Variants in MID2 observed in about 807,000 individuals in gnomAD.
The protein encoded by MID2 is probable E3 ubiquitin-protein ligase MID2.
In MID2, 13 loss-of-function variants were observed where a neutral mutation model predicts 46.1. That is an observed-to-expected ratio of 0.28 (90% CI 0.18 to 0.45). MID2 has a LOEUF of 0.45. Ranked by LOEUF, MID2 falls within the 20% of genes least tolerant of loss-of-function variation. The pLI, the probability that MID2 is intolerant of heterozygous loss-of-function variation, is 1.00. For synonymous variants in MID2, 199 were observed against 212.3 expected (o/e 0.94, Z 0.55); for missense variants, 431 against 575.4 (o/e 0.75, Z 2.57).
At chrX:107,882,113 C>G (rs1489492002) in intron 3 of MID2, among the ~76,000 whole-genome samples, 1 of 111,891 alleles carries the variant, frequency 8.9e-6, no homozygotes, top group Non-Finnish European at 1.9e-5. Flanking sequence ...GGAAAGGATT[C>G]CCTATTTAAC....
At chrX:107,920,568 C>A (rs1189549066) in intron 7 of MID2, among the ~76,000 whole-genome samples, 1 of 111,954 alleles carries the variant, frequency 8.9e-6, no homozygotes, top group African/African-American at 3.2e-5. Context: ...CATGCAAATA[C>A]TCTCTACCAC....
At position 107,826,327 on chromosome X, in the gene MID2, C is replaced by T. The variant is rs1199073609; in HGVS notation, c.-100C>T. 12 of 1,011,723 alleles carry T rather than the reference C, an allele frequency of 1.2e-5. No individual in the cohort carries two copies. In the South Asian group the frequency reaches 2.1e-4, roughly 18 times the overall value. 83.4% of individuals were successfully genotyped at this position (1,011,723 alleles called of 1,213,427 possible). A position where few individuals can be genotyped will look rare whatever the true frequency, so the allele number is the denominator to read the frequency against. On this transcript the variant is annotated 5_prime_UTR_variant, in exon 1 of 10. Transcript: ENST00000262843. ...AGCGGCGGCGGCGGCGACCGGGGCC[C>T]GGGAGCTCGCGCCGGAGCCCGAGCC...
At chrX:107,866,141 C>A (rs1931950985) in intron 3 of MID2, among the ~76,000 whole-genome samples, 1 of 111,999 alleles carries the variant, frequency 8.9e-6, no homozygotes, top group South Asian at 3.7e-4. Flanking sequence ...AGCTTTGAAT[C>A]TTCTAGCACC....
chrX:107,877,973 C>T (rs1446822450), intron 3 of MID2, among the ~76,000 whole-genome samples: 18 of 106,815 alleles, frequency 1.7e-4, no homozygotes, highest in African/African-American at 4.5e-4. Context: ...ACCAGAGTGC[C>T]GAGGTAGGAA....
intron 5 of MID2, among the ~76,000 whole-genome samples, chrX:107,905,883 A>G (rs1267981572): frequency 8.9e-6 from 1 of 111,924 alleles, no homozygotes; most frequent in African/African-American, 3.3e-5. Context: ...CACTCAGCGC[A>G]TGAGTTTTCT....
chrX:107,887,335 G>A (rs141483499), intron 3 of MID2, among the ~76,000 whole-genome samples: 1,267 of 111,942 alleles, frequency 0.011, 19 homozygotes, highest in African/African-American at 0.039. Context: ...TAGCATGAAG[G>A]GTTGTTGAAT....
intron 5 of MID2, among the ~76,000 whole-genome samples, chrX:107,908,260 C>T (rs1356766458): frequency 8.9e-6 from 1 of 112,093 alleles, no homozygotes; most frequent in East Asian, 2.8e-4. Context: ...TTTTCTGCCA[C>T]TACTTCTACA....
At chrX:107,856,090 C>T (rs968980708) in intron 3 of MID2, among the ~76,000 whole-genome samples, 2 of 112,034 alleles carry the variant, frequency 1.8e-5, no homozygotes, top group African/African-American at 6.5e-5. Flanking sequence ...ACATGACCTT[C>T]GACTTCTTTC....
Position 107,837,540 on chromosome X carries a change from A to T in MID2, c.5-3130A>T, listed in dbSNP as rs1413521712. On this transcript the variant is annotated intron_variant, in intron 1 of 9. Coordinates refer to ENST00000262843, the MANE Select transcript of MID2 (RefSeq NM_012216.4). Reference sequence around the variant, plus strand: ...AATAGACGTAGAAACATGCTGTTTAAAAAAAAAAAACTCTATAAACTATGT... The same window carrying T: ...AATAGACGTAGAAACATGCTGTTTATAAAAAAAAAACTCTATAAACTATGT... Among the ~76,000 whole-genome samples, 4 of 74,576 alleles carry T rather than the reference A, an allele frequency of 5.4e-5. No individual in the cohort carries two copies. In the East Asian group the frequency reaches 1.1e-3, roughly 20 times the overall value. 64.8% of individuals were successfully genotyped at this position (74,576 alleles called of 115,157 possible). A position where few individuals can be genotyped will look rare whatever the true frequency, so the allele number is the denominator to read the frequency against.
chrX:107,899,086 G>A (rs951073273), intron 3 of MID2, among the ~76,000 whole-genome samples: 3 of 109,626 alleles, frequency 2.7e-5, no homozygotes, highest in African/African-American at 3.3e-5. Flanking sequence ...GGAAGTTATC[G>A]TGGGAGTGGG....
At chrX:107,926,557 A>C in intron 9 of MID2, 114 bp from the exon 10 acceptor site, 2 of 780,820 alleles carry the variant, frequency 2.6e-6, no homozygotes, top group Non-Finnish European at 3.6e-6. Flanking sequence ...ATCTAAGTGT[A>C]AACTATTTAA....
intron 3 of MID2, among the ~76,000 whole-genome samples, chrX:107,890,771 TC>T (rs1475151034): frequency 1.8e-5 from 2 of 111,829 alleles, no homozygotes; most frequent in East Asian, 5.6e-4. Context: ...TCCACCCAGT[TC>T]AAGCTTCCCA....
chrX:107,880,217 AC>A (rs1286243964), intron 3 of MID2, among the ~76,000 whole-genome samples: 1 of 110,071 alleles, frequency 9.1e-6, no homozygotes, highest in African/African-American at 3.3e-5. Context: ...ACTCACTGCA[AC>A]CTTGACCTCC....
chrX:107,826,150 C>G lies in MID2; in HGVS notation c.-277C>G. On this transcript the variant is annotated 5_prime_UTR_variant, in exon 1 of 10. Transcript: ENST00000262843. ...GCCCCTGGACTGAGGGGCGAAAACT[C>G]TTAAGTTTAGCTCGGGAGGCCCAGC... 1 of 297,377 alleles carries G rather than the reference C, an allele frequency of 3.4e-6. No individual in the cohort carries two copies. Among genetic ancestry groups the G allele is most frequent in the Non-Finnish European group, 5.9e-6 (1 of 170,404 alleles). 24.5% of individuals were successfully genotyped at this position (297,377 alleles called of 1,213,427 possible). A position where few individuals can be genotyped will look rare whatever the true frequency, so the allele number is the denominator to read the frequency against.
At chrX:107,888,928 G>A (rs772795698) in intron 3 of MID2, among the ~76,000 whole-genome samples, 1 of 111,409 alleles carries the variant, frequency 9.0e-6, no homozygotes, top group African/African-American at 3.3e-5. Context: ...TTTTATCAGA[G>A]GCTAGGATTG....
intron 8 of MID2, 37 bp from the exon 9 acceptor site, chrX:107,926,057 G>C: frequency 9.6e-7 from 1 of 1,045,606 alleles, no homozygotes; most frequent in Non-Finnish European, 1.3e-6. Flanking sequence ...ATACTTCATA[G>C]TGCTTTTTCT....
intron 3 of MID2, among the ~76,000 whole-genome samples, chrX:107,868,459 A>G (rs1932001885): frequency 8.9e-6 from 1 of 111,883 alleles, no homozygotes; most frequent in African/African-American, 3.2e-5. Flanking sequence ...GAAGAAGATT[A>G]ATCAAATGAG....
chrX:107,878,013 A>G (rs1932237664), intron 3 of MID2, among the ~76,000 whole-genome samples: 1 of 98,011 alleles, frequency 1.0e-5, no homozygotes, highest in African/African-American at 4.1e-5. Flanking sequence ...AAAAGAAAGG[A>G]AAAAAAAAAA....
At chrX:107,918,178 A>T (rs1399072460) in intron 7 of MID2, among the ~76,000 whole-genome samples, 1 of 111,561 alleles carries the variant, frequency 9.0e-6, no homozygotes, top group East Asian at 2.8e-4. Flanking sequence ...ATATGAAAAC[A>T]TGTCAGTGGG....
Sources: gnomAD v4.1 joint callset for allele counts (sites outside exome capture counted in the v4.1 genomes callset) on GRCh38, gnomAD v4.1.1 for gene constraint, MANE v1.5 for transcripts, NCBI Gene and HGNC (gene_info 2026-07-23, HGNC 2026-07-21) for gene names.